The following GAB2 variants were observed in gnomAD, a reference collection of about 807,000 sequenced individuals.
GAB2 encodes GRB2-associated-binding protein 2.
In GAB2, 26 loss-of-function variants were observed where a neutral mutation model predicts 65.5. The ratio of observed to expected loss-of-function variants is 0.40; its 90% CI spans 0.29 to 0.55. The LOEUF (loss-of-function observed/expected upper bound fraction) is 0.55, where lower values mean the gene tolerates loss of function less well. Ranked by LOEUF, GAB2 falls within the 20% of genes least tolerant of loss-of-function variation. The probability of loss-of-function intolerance (pLI) is 0.53; values close to 1 mark genes in which losing one functional copy is unlikely to be tolerated. For synonymous variants in GAB2, 321 were observed against 329.6 expected (o/e 0.97, Z 0.28); for missense variants, 884 against 875.8 (o/e 1.01, Z -0.12).
intron 1 of GAB2, among the ~76,000 whole-genome samples, chr11:78,319,024 A>G (rs1461829082): frequency 6.6e-6 from 1 of 152,046 alleles, no homozygotes; most frequent in Non-Finnish European, 1.5e-5. Flanking sequence ...TTTTCCCTCC[A>G]TCACTGCCCC....
chr11:78,353,795 G>A (rs1856316451), intron 1 of GAB2, among the ~76,000 whole-genome samples: 1 of 152,206 alleles, frequency 6.6e-6, no homozygotes, highest in African/African-American at 2.4e-5. Context: ...ACTGCCTATG[G>A]CTAATGACTA....
chr11:78,241,048 C>T (rs1410629084), intron 3 of GAB2, among the ~76,000 whole-genome samples: 3 of 152,182 alleles, frequency 2.0e-5, no homozygotes, highest in Admixed American at 6.5e-5. Context: ...AAGAGGGATC[C>T]CCCTGACTGA....
intron 1 of GAB2, among the ~76,000 whole-genome samples, chr11:78,375,518 A>G (rs545783336): frequency 6.6e-6 from 1 of 152,336 alleles, no homozygotes; most frequent in South Asian, 2.1e-4. Context: ...TGGTAAAATT[A>G]GAGACAGATA....
intron 1 of GAB2, among the ~76,000 whole-genome samples, chr11:78,417,197 G>C (rs1023214037): frequency 2.0e-5 from 3 of 152,136 alleles, no homozygotes; most frequent in African/African-American, 7.2e-5. Flanking sequence ...GAGGGCGTGA[G>C]GCGCTCGCCC....
At chr11:78,313,362 A>G (rs1257657703) in intron 1 of GAB2, among the ~76,000 whole-genome samples, 4 of 152,284 alleles carry the variant, frequency 2.6e-5, no homozygotes, top group Non-Finnish European at 5.9e-5. Context: ...ACCTCATATG[A>G]TGCCTGACTC....
chr11:78,283,859 T>C (rs1315816484), intron 1 of GAB2, among the ~76,000 whole-genome samples: 4 of 152,034 alleles, frequency 2.6e-5, no homozygotes, highest in Non-Finnish European at 5.9e-5. Flanking sequence ...AACATTAGAA[T>C]GCCCCAATGC....
intron 1 of GAB2, among the ~76,000 whole-genome samples, chr11:78,351,784 G>C (rs1176429554): frequency 6.6e-6 from 1 of 152,108 alleles, no homozygotes; most frequent in Admixed American, 6.5e-5. Flanking sequence ...CCAAATCCAG[G>C]ACCAGGACTC....
intron 1 of GAB2, among the ~76,000 whole-genome samples, chr11:78,288,010 C>T (rs1345531243): frequency 6.6e-6 from 1 of 150,380 alleles, no homozygotes; most frequent in Non-Finnish European, 1.5e-5. Context: ...AAGCAAAAAA[C>T]ATATATAAAA....
chr11:78,397,818 C>T (rs569150398), intron 1 of GAB2, among the ~76,000 whole-genome samples: 1 of 151,978 alleles, frequency 6.6e-6, no homozygotes, highest in Non-Finnish European at 1.5e-5. Flanking sequence ...TAGATACTTA[C>T]TATCTGTTAA....
chr11:78,324,604 G>A (rs971183352), intron 1 of GAB2, among the ~76,000 whole-genome samples: 4 of 152,076 alleles, frequency 2.6e-5, no homozygotes, highest in Non-Finnish European at 5.9e-5. Flanking sequence ...TTAAGGGAAG[G>A]GGAATATCAA....
chr11:78,228,153 A>G (rs1019331989), intron 3 of GAB2, among the ~76,000 whole-genome samples: 2 of 152,176 alleles, frequency 1.3e-5, no homozygotes, highest in Non-Finnish European at 2.9e-5. Context: ...AATGATTTCT[A>G]AGGGCCCATC....
chr11:78,315,827 A>G (rs1855591643), intron 1 of GAB2, among the ~76,000 whole-genome samples: 1 of 152,212 alleles, frequency 6.6e-6, no homozygotes, highest in South Asian at 2.1e-4. Flanking sequence ...AAGGATGCCT[A>G]GATGGCTGGC....
chr11:78,339,730 G>C (rs1248624350), intron 1 of GAB2, among the ~76,000 whole-genome samples: 3 of 152,140 alleles, frequency 2.0e-5, no homozygotes. Context: ...CCCCTCTACA[G>C]AGCTGATAGG....
intron 3 of GAB2, among the ~76,000 whole-genome samples, chr11:78,241,657 G>T (rs1380538947): frequency 6.6e-6 from 1 of 151,074 alleles, no homozygotes; most frequent in African/African-American, 2.4e-5. Context: ...TTCAATGAAT[G>T]AAATAAAAAA....
At chr11:78,342,404 CTTTTT>C (rs143105179) in intron 1 of GAB2, among the ~76,000 whole-genome samples, 2 of 109,878 alleles carry the variant, frequency 1.8e-5, no homozygotes, top group South Asian at 3.0e-4. Context: ...ACACTTTGCA[CTTTTT>C]TTTTTTTTTT....
At chr11:78,376,750 G>C (rs1206073954) in intron 1 of GAB2, among the ~76,000 whole-genome samples, 1 of 152,140 alleles carries the variant, frequency 6.6e-6, no homozygotes, top group Non-Finnish European at 1.5e-5. Flanking sequence ...TGTGACTAGG[G>C]AAGTGTCTTA....
chr11:78,386,042 T>G (rs866841367), intron 1 of GAB2, among the ~76,000 whole-genome samples: 1 of 152,226 alleles, frequency 6.6e-6, no homozygotes, highest in South Asian at 2.1e-4. Context: ...GTGCCTGAGA[T>G]ATATGATGGT....
At chr11:78,336,336 A>AC (rs1280886460) in intron 1 of GAB2, among the ~76,000 whole-genome samples, 1 of 130,980 alleles carries the variant, frequency 7.6e-6, no homozygotes, top group African/African-American at 3.8e-5. Context: ...CAAAAAAAAA[A>AC]AAAAAAAAAA....
At chr11:78,366,674 G>T (rs1256143933) in intron 1 of GAB2, among the ~76,000 whole-genome samples, 1 of 144,626 alleles carries the variant, frequency 6.9e-6, no homozygotes, top group Admixed American at 6.9e-5. Context: ...TGCTACCAAA[G>T]AGCAGGGGTT....
Sources: gnomAD v4.1 joint callset for allele counts (sites outside exome capture counted in the v4.1 genomes callset) on GRCh38, gnomAD v4.1.1 for gene constraint, MANE v1.5 for transcripts, NCBI Gene and HGNC (gene_info 2026-07-23, HGNC 2026-07-21) for gene names.